Variants in ABLIM1 observed in about 807,000 individuals in gnomAD.
The protein encoded by ABLIM1 is actin-binding LIM protein 1.
A neutral mutation model predicts 107.0 loss-of-function variants in ABLIM1; 40 were observed. The observed-to-expected ratio is 0.37, with a 90% CI of 0.29 to 0.49. The LOEUF is 0.49. ABLIM1 is among the 20% of genes least tolerant of loss of function. The probability of loss-of-function intolerance (pLI) is 0.97; values close to 1 mark genes in which losing one functional copy is unlikely to be tolerated. For missense variants in ABLIM1, 857 were observed against 1,008.5 expected (o/e 0.85, Z 2.04); for synonymous variants, 357 against 357.3 (o/e 1.00, Z 0.01).
intron 12 of ABLIM1, among the ~76,000 whole-genome samples, chr10:114,458,217 T>A (rs1353515379): frequency 2.0e-5 from 3 of 152,196 alleles, no homozygotes; most frequent in Non-Finnish European, 2.9e-5. Flanking sequence ...GTTAGTGTTC[T>A]CATCTATTGT....
At chr10:114,670,075 AC>A (rs2080185880) in intron 1 of ABLIM1, among the ~76,000 whole-genome samples, 1 of 152,184 alleles carries the variant, frequency 6.6e-6, no homozygotes, top group Non-Finnish European at 1.5e-5. Flanking sequence ...TTGAAGGCCC[AC>A]AGAAGGGACT....
chr10:114,750,543 T>C (rs1220086544), intron 1 of ABLIM1, among the ~76,000 whole-genome samples: 1 of 152,188 alleles, frequency 6.6e-6, no homozygotes, highest in African/African-American at 2.4e-5. Flanking sequence ...GCTCTATTTG[T>C]CAATGTTCAT....
chr10:114,624,360 C>G (rs1282240110), intron 1 of ABLIM1, among the ~76,000 whole-genome samples: 1 of 152,234 alleles, frequency 6.6e-6, no homozygotes, highest in African/African-American at 2.4e-5. Flanking sequence ...GAATCAAATG[C>G]CAAGATATGC....
At chr10:114,496,885 C>T (rs758401800) in intron 6 of ABLIM1, among the ~76,000 whole-genome samples, 12 of 152,116 alleles carry the variant, frequency 7.9e-5, no homozygotes, top group Non-Finnish European at 1.3e-4. Context: ...GGAGGCCCTC[C>T]TTCGCATGTG....
intron 12 of ABLIM1, among the ~76,000 whole-genome samples, chr10:114,461,315 C>T (rs182480819): frequency 6.6e-6 from 1 of 151,698 alleles, no homozygotes; most frequent in East Asian, 1.9e-4. Flanking sequence ...AATCTGCCCA[C>T]CTCAGCAGAA....
the ABLIM1 span, among the ~76,000 whole-genome samples, chr10:114,801,251 T>TA: frequency 8.0e-5 from 12 of 150,338 alleles, no homozygotes; most frequent in African/African-American, 2.4e-4. Flanking sequence ...CTGTCTCTAT[T>TA]AAAAAAAAAA....
At chr10:114,631,986 G>C in intron 1 of ABLIM1, 1 of 1,301,206 alleles carries the variant, frequency 7.7e-7, no homozygotes, top group Non-Finnish European at 1.0e-6. Flanking sequence ...GTGGAAGCGC[G>C]CCTCGGCAGA....
chr10:114,736,255 A>C lies in ABLIM1; in HGVS notation c.-213+31806T>G, dbSNP rs577058549. Among the ~76,000 whole-genome samples, 8 of 152,348 alleles carry C rather than the reference A, an allele frequency of 5.3e-5. 1 individual carries two copies. In the South Asian group the frequency reaches 1.7e-3, roughly 32 times the overall value. ...AGCCTGGCCCTAGAATGTGAAATTT[A>C]ACACAGATACTGCTTGCATTAAGCA... On this transcript the variant is annotated intron_variant, in intron 1 of 15. Transcript: ENST00000651092.
At position 114,648,824 on chromosome 10, in the gene ABLIM1, C is replaced by T. The variant is rs532009156; in HGVS notation, c.244+9133G>A. ...AGGGAGACACGCAAACAAACAGATA[C>T]AAATAGCCAAGCATAGAGGTGCTTG... On this transcript the variant is annotated intron_variant, in intron 1 of 22. Coordinates refer to ENST00000533213, the MANE Select transcript of ABLIM1 (RefSeq NM_002313.7). 3.6e-4 allele frequency among the ~76,000 whole-genome samples: 55 copies of T among 152,196 alleles called. 1 individual carries two copies. In the South Asian group the frequency reaches 0.011, roughly 30 times the overall value.
chr10:114,504,926 C>T (rs1484878650), intron 6 of ABLIM1, among the ~76,000 whole-genome samples: 8 of 152,164 alleles, frequency 5.3e-5, no homozygotes, highest in Admixed American at 5.2e-4. Flanking sequence ...TATAAATTCA[C>T]TTTGAGTCAT....
chr10:114,638,854 CT>C (rs533385118), intron 1 of ABLIM1, among the ~76,000 whole-genome samples: 116 of 152,272 alleles, frequency 7.6e-4, no homozygotes, highest in Middle Eastern at 3.4e-3. Flanking sequence ...GCATCATAAC[CT>C]TGGTCTGTGG....
At chr10:114,717,991 A>AAAGGGAGGAAGGAAGG (rs1555227667) in intron 1 of ABLIM1, among the ~76,000 whole-genome samples, 7 of 86,792 alleles carry the variant, frequency 8.1e-5, no homozygotes, top group Non-Finnish European at 1.3e-4. Flanking sequence ...AGAAAGAAAG[A>AAAGGGAGGAAGGAAGG]AAGGAAGGAA....
At chr10:114,486,315 C>T (rs1165202828) in intron 8 of ABLIM1, among the ~76,000 whole-genome samples, 2 of 152,112 alleles carry the variant, frequency 1.3e-5, no homozygotes, top group African/African-American at 2.4e-5. Context: ...ATCTCCCAAA[C>T]GACTTCATCA....
At chr10:114,714,223 A>C (rs1455684970) in intron 1 of ABLIM1, among the ~76,000 whole-genome samples, 3 of 152,200 alleles carry the variant, frequency 2.0e-5, no homozygotes, top group African/African-American at 7.2e-5. Flanking sequence ...TCATGAAATC[A>C]TCCATTGGGG....
At chr10:114,671,926 G>A (rs990149609) in intron 1 of ABLIM1, among the ~76,000 whole-genome samples, 7 of 151,072 alleles carry the variant, frequency 4.6e-5, no homozygotes, top group African/African-American at 9.7e-5. Flanking sequence ...GCAGTGGCAC[G>A]ATCATAGCTC....
chr10:114,698,264 AAG>A (rs2081236333), intron 1 of ABLIM1, among the ~76,000 whole-genome samples: 2 of 152,060 alleles, frequency 1.3e-5, no homozygotes, highest in African/African-American at 4.8e-5. Flanking sequence ...AAAAAATTAA[AAG>A]AGCAATCACA....
chr10:114,599,714 G>C (rs1471676610), intron 2 of ABLIM1, among the ~76,000 whole-genome samples: 1 of 151,994 alleles, frequency 6.6e-6, no homozygotes, highest in African/African-American at 2.4e-5. Flanking sequence ...TTGAACCTAG[G>C]AGGCGGAGGT....
chr10:114,731,644 C>T (rs1388874979), intron 1 of ABLIM1, among the ~76,000 whole-genome samples: 1 of 151,566 alleles, frequency 6.6e-6, no homozygotes, highest in African/African-American at 2.4e-5. Flanking sequence ...CAAACCTTGG[C>T]TCACTGCAAA....
rs566905370 is a variant in ABLIM1, at chr10:114,665,366, T to C, written c.64+18924A>G. On this transcript the variant is annotated intron_variant, in intron 1 of 23. Transcript: ENST00000369256. ...GGATTGTGAAGATACTGGTGTTCCA[T>C]CTGGGCCTTGAAGACAAACTAAGGG... is the stretch of plus-strand genomic sequence containing the variant. Among the ~76,000 whole-genome samples, 3 of 152,254 alleles carry C rather than the reference T, an allele frequency of 2.0e-5. No homozygotes were observed. The East Asian group carries it at 5.8e-4, about 29-fold the overall frequency.
Sources: allele counts gnomAD v4.1 joint callset (sites outside exome capture counted in the v4.1 genomes callset), GRCh38; gene constraint gnomAD v4.1.1; transcripts MANE v1.5; gene names NCBI Gene and HGNC (gene_info 2026-07-23, HGNC 2026-07-21).